The following SULF2 variants were observed in gnomAD, a reference collection of about 807,000 sequenced individuals.
The protein encoded by SULF2 is sulfatase 2, also known as extracellular sulfatase Sulf-2.
SULF2 carries 52 observed loss-of-function variants against 107.7 expected under a neutral mutation model. The observed-to-expected ratio is 0.48, with a 90% CI of 0.39 to 0.61. The LOEUF (loss-of-function observed/expected upper bound fraction) is 0.61, where lower values mean the gene tolerates loss of function less well. Among genes scored for constraint, SULF2 ranks in the 20% least tolerant of loss-of-function variants. The pLI is 0.00. For synonymous variants in SULF2, 460 were observed against 464.3 expected (o/e 0.99, Z 0.12); for missense variants, 993 against 1,177.3 (o/e 0.84, Z 2.29).
At chr20:47,715,457 G>GA (rs1176655742) in intron 3 of SULF2, among the ~76,000 whole-genome samples, 1 of 152,136 alleles carries the variant, frequency 6.6e-6, no homozygotes, top group Admixed American at 6.6e-5. Flanking sequence ...CTCACATCTA[G>GA]AACAGAGCTT....
At position 47,658,158 on chromosome 20, in the gene SULF2, G is replaced by A. The variant is rs1349433995; in HGVS notation, c.*204C>T. The A allele has an allele frequency of 4.9e-6, 3 of 614,310 alleles. No individual in the cohort carries two copies. Among genetic ancestry groups the A allele is most frequent in the Non-Finnish European group, 8.8e-6 (3 of 342,340 alleles). 38.1% of individuals were successfully genotyped at this position (614,310 alleles called of 1,614,324 possible). On this transcript the variant is annotated 3_prime_UTR_variant, in exon 21 of 21. Transcript: ENST00000688720. Reference sequence around the variant, plus strand: ...TGAGGTATAATCCAAAGCAAAAGCAGGGGCAAAAATGGACTTCCTGAAGTT... The same window carrying A: ...TGAGGTATAATCCAAAGCAAAAGCAAGGGCAAAAATGGACTTCCTGAAGTT...
chr20:47,780,537 C>T (rs2090811924), intron 1 of SULF2, among the ~76,000 whole-genome samples: 1 of 152,100 alleles, frequency 6.6e-6, no homozygotes, highest in Non-Finnish European at 1.5e-5. Flanking sequence ...CACCCCATCA[C>T]ATCATGCAGT....
intron 3 of SULF2, among the ~76,000 whole-genome samples, chr20:47,712,590 G>A (rs13040063): frequency 0.14 from 20,817 of 152,280 alleles, 1,889 homozygotes; most frequent in Middle Eastern, 0.26. Context: ...CCCAGAGTGT[G>A]CACACGGTGA....
At chr20:47,746,994 A>AAT (rs57147246) in intron 2 of SULF2, among the ~76,000 whole-genome samples, 7,771 of 130,938 alleles carry the variant, frequency 0.059, 357 homozygotes, top group Non-Finnish European at 0.091. Context: ...AAAAAAAAAA[A>AAT]ATATATATAT....
intron 1 of SULF2, among the ~76,000 whole-genome samples, chr20:47,759,050 C>A (rs540706563): frequency 3.9e-5 from 6 of 152,156 alleles, no homozygotes; most frequent in African/African-American, 1.4e-4. Flanking sequence ...CCAGGGCAGC[C>A]GGAGGAATCT....
In SULF2 at chr20:47,666,359, C is replaced by T. The variant is rs201340688; in HGVS notation, c.1706G>A (p.Gly569Glu). ...PRNLTKRHWPGAPEDQDDKDG... is the reference protein window; with the variant it reads ...PRNLTKRHWPEAPEDQDDKDG... Reference sequence around the variant, plus strand: ...CTTGTCATCTTGGTCCTCAGGGGCCCCTGGCCAGTGCCGCTTGGTGAGGTT... The same window carrying T: ...CTTGTCATCTTGGTCCTCAGGGGCCTCTGGCCAGTGCCGCTTGGTGAGGTT... The change falls in exon 12 of 21, where the codon GGG becomes GAG. Residue 569 changes from glycine to glutamate, a missense_variant. By Grantham distance (98) the Gly-to-Glu change is moderately conservative (BLOSUM62 -2). Coordinates refer to ENST00000688720, the MANE Select transcript of SULF2 (RefSeq NM_001387048.1). This position sits in a 1 kb window ranked among gnomAD's most constrained non-coding sequence, Gnocchi z 5.4. 40 of 1,614,196 alleles carry T rather than the reference C, an allele frequency of 2.5e-5. 1 individual carries two copies. In the African/African-American group the frequency reaches 3.9e-4, roughly 16 times the overall value.
chr20:47,664,193 T>C lies in SULF2; in HGVS notation c.1998-4A>G, dbSNP rs1410435234. 1.9e-6 allele frequency: 3 copies of C among 1,611,092 alleles called. No individual in the cohort carries two copies. Among genetic ancestry groups the C allele is most frequent in the Non-Finnish European group, 2.5e-6 (3 of 1,179,002 alleles). The stretch of plus-strand genomic sequence containing the variant: ...GCCTTTGTGCTGGGTGTGGTAGCTG[T>C]AACAGACCCCCCCAGCCCCAGGCTT... On this transcript the variant is annotated splice_region_variant and splice_polypyrimidine_tract_variant and intron_variant, in intron 14 of 20. Coordinates refer to ENST00000688720, the MANE Select transcript of SULF2 (RefSeq NM_001387048.1).
intron 2 of SULF2, among the ~76,000 whole-genome samples, chr20:47,743,645 T>G (rs201715078): frequency 2.6e-5 from 4 of 152,150 alleles, no homozygotes; most frequent in African/African-American, 9.7e-5. Context: ...AGTGAAATCA[T>G]CATATTCGTT....
chr20:47,784,346 C>T (rs1372182103), intron 1 of SULF2, among the ~76,000 whole-genome samples: 2 of 152,080 alleles, frequency 1.3e-5, no homozygotes, highest in African/African-American at 2.4e-5. Context: ...AAACAAGCTG[C>T]AGGAAGACTT....
At chr20:47,723,961 C>T (rs568184479) in intron 3 of SULF2, among the ~76,000 whole-genome samples, 33 of 152,162 alleles carry the variant, frequency 2.2e-4, no homozygotes, top group Non-Finnish European at 3.8e-4. Flanking sequence ...TGGTTGTGGG[C>T]CAGTGCTCCA....
chr20:47,704,867 A>C (rs1245218125), intron 3 of SULF2, among the ~76,000 whole-genome samples: 1 of 152,048 alleles, frequency 6.6e-6, no homozygotes, highest in Non-Finnish European at 1.5e-5. Context: ...CCCCCAGAGG[A>C]AGGAGGAGAG....
chr20:47,670,069 T>C (rs1339318412), intron 11 of SULF2, among the ~76,000 whole-genome samples: 3 of 152,198 alleles, frequency 2.0e-5, no homozygotes, highest in Non-Finnish European at 4.4e-5. Context: ...GAGAGACTTA[T>C]CTGCTCCACG....
Position 47,665,799 on chromosome 20 carries a change from G to C in SULF2, c.1902+58C>G, listed in dbSNP as rs1008950294. On this transcript the variant is annotated intron_variant, in intron 13 of 20. Coordinates refer to ENST00000688720, the MANE Select transcript of SULF2 (RefSeq NM_001387048.1). ...CTCACTGCCCTCCCACTGTGAACCG[G>C]GGGTCCTGCCAGGCCCGTGGTGGCC... is the stretch of plus-strand genomic sequence containing the variant. The C allele has an allele frequency of 6.9e-6, 10 of 1,458,720 alleles. No individual in the cohort carries two copies. The Admixed American group carries it at 1.3e-4, about 20-fold the overall frequency. 90.4% of individuals were successfully genotyped at this position (1,458,720 alleles called of 1,614,324 possible). A position where few individuals can be genotyped will look rare whatever the true frequency, so the allele number is the denominator to read the frequency against.
intron 1 of SULF2, among the ~76,000 whole-genome samples, chr20:47,769,838 G>A (rs62200259): frequency 0.09 from 13,637 of 152,074 alleles, 721 homozygotes; most frequent in South Asian, 0.22. Flanking sequence ...GAAGGCCTGA[G>A]AGATGACAGT....
chr20:47,752,548 T>C (rs1366155613), intron 2 of SULF2, among the ~76,000 whole-genome samples: 1 of 140,102 alleles, frequency 7.1e-6, no homozygotes, highest in East Asian at 2.1e-4. Context: ...CTGAGCAACA[T>C]GGCAAAAGCC....
At chr20:47,775,976 G>A (rs904260819) in intron 1 of SULF2, among the ~76,000 whole-genome samples, 2 of 152,154 alleles carry the variant, frequency 1.3e-5, no homozygotes, top group Admixed American at 6.6e-5. Context: ...AAATGCCTAC[G>A]TGGGCCAGGC....
chr20:47,676,455 AGGAGGGGGAGCCGTTG>A (rs1568799991), intron 10 of SULF2, 23 bp downstream of exon 10: 1 of 1,595,184 alleles, frequency 6.3e-7, no homozygotes, highest in South Asian at 1.1e-5. Flanking sequence ...GGCTGCAGTC[AGGAGGGGGAGCCGTTG>A]GGAGGGAAGG....
intron 20 of SULF2, 123 bp downstream of exon 20, chr20:47,659,276 C>G: frequency 2.4e-6 from 2 of 833,198 alleles, no homozygotes; most frequent in Non-Finnish European, 4.0e-6. Context: ...TACTTCCCCC[C>G]CACCCTCATC....
intron 17 of SULF2, 72 bp from the exon 18 acceptor site, chr20:47,661,968 G>A (rs1431999594): frequency 1.5e-6 from 2 of 1,366,634 alleles, no homozygotes; most frequent in East Asian, 2.7e-5. Flanking sequence ...TACCAACCAG[G>A]GGACATATTT....
Sources: allele counts gnomAD v4.1 joint callset (sites outside exome capture counted in the v4.1 genomes callset), GRCh38; gene constraint gnomAD v4.1.1; non-coding constraint Gnocchi (gnomAD v3.1); transcripts MANE v1.5; gene names NCBI Gene and HGNC (gene_info 2026-07-23, HGNC 2026-07-21).